The following UBR2 variants were observed in gnomAD, a reference collection of about 807,000 sequenced individuals.
The protein encoded by UBR2 is ubiquitin protein ligase E3 component n-recognin 2, also known as E3 ubiquitin-protein ligase UBR2.
A neutral mutation model predicts 247.9 loss-of-function variants in UBR2; 92 were observed. That is an observed-to-expected ratio of 0.37 (90% CI 0.31 to 0.44). The LOEUF (loss-of-function observed/expected upper bound fraction) is 0.44. UBR2 is among the 20% of genes least tolerant of loss of function. UBR2 has a pLI of 1.00. For missense variants in UBR2, 1,613 were observed against 2,112.6 expected, an observed-to-expected ratio of 0.76 and a Z score of 4.64; for synonymous variants, 672 against 693.5, an observed-to-expected ratio of 0.97 and a Z score of 0.49.
chr6:42,652,716 C>T, intron 25 of UBR2, 71 bp downstream of exon 25: 2 of 1,403,216 alleles, frequency 1.4e-6, no homozygotes, highest in Non-Finnish European at 1.9e-6. Flanking sequence ...TTGTCTGTAT[C>T]TATACACAGG....
intron 20 of UBR2, 86 bp from the exon 21 acceptor site, chr6:42,645,380 A>G (rs1489898791): frequency 4.7e-6 from 6 of 1,264,902 alleles, no homozygotes; most frequent in Non-Finnish European, 6.8e-6. Context: ...GAGAAATATA[A>G]CATGCTGCAT....
chr6:42,689,530 A>C lies in UBR2; in HGVS notation c.5025-39A>C, dbSNP rs1199569168. 6.5e-7 allele frequency: 1 copy of C among 1,549,520 alleles called. No individual in the cohort carries two copies. Among genetic ancestry groups the C allele is most frequent in the East Asian group, 2.2e-5 (1 of 44,558 alleles). On this transcript the variant is annotated intron_variant, in intron 45 of 46. Transcript: ENST00000372901. This position sits in a 1 kb window ranked among gnomAD's most constrained non-coding sequence, Gnocchi z 4.0. ...GAACTGAATACAAATGTTGGTTACT[A>C]ATGTGTAAATGTGTAACGTATGACT...
intron 2 of UBR2, among the ~76,000 whole-genome samples, chr6:42,580,360 A>G (rs998169561): frequency 1.3e-5 from 2 of 152,216 alleles, no homozygotes; most frequent in African/African-American, 4.8e-5. Context: ...TCAACTTGGC[A>G]TGTAGCTAGC....
At chr6:42,579,568 TCTAGAGTA>T in intron 2 of UBR2, among the ~76,000 whole-genome samples, 1 of 152,212 alleles carries the variant, frequency 6.6e-6, no homozygotes, top group Non-Finnish European at 1.5e-5. Flanking sequence ...TGTCGCTTAG[TCTAGAGTA>T]CAGTGGCATG....
intron 2 of UBR2, among the ~76,000 whole-genome samples, chr6:42,576,254 T>A (rs1046992398): frequency 1.3e-5 from 2 of 152,210 alleles, no homozygotes; most frequent in Non-Finnish European, 2.9e-5. Context: ...ATAAATGTAT[T>A]GAAATAGATA....
intron 2 of UBR2, among the ~76,000 whole-genome samples, chr6:42,575,532 T>C (rs1452032200): frequency 1.3e-5 from 2 of 152,250 alleles, no homozygotes; most frequent in Admixed American, 1.3e-4. Flanking sequence ...ATCTTCAATC[T>C]GGAATGTTTC....
intron 21 of UBR2, 116 bp downstream of exon 21, chr6:42,645,706 G>C: frequency 9.0e-7 from 1 of 1,106,272 alleles, no homozygotes; most frequent in South Asian, 1.4e-5. Flanking sequence ...CTATTGTCAT[G>C]GGATGTGTAT....
At chr6:42,628,020 G>C (rs1479481318) in intron 11 of UBR2, among the ~76,000 whole-genome samples, 3 of 151,840 alleles carry the variant, frequency 2.0e-5, no homozygotes, top group South Asian at 4.2e-4. Flanking sequence ...TTTTTCTTGG[G>C]ATCTTAAATC....
intron 4 of UBR2, among the ~76,000 whole-genome samples, chr6:42,598,918 C>A (rs1793174276): frequency 6.6e-6 from 1 of 151,862 alleles, no homozygotes; most frequent in Non-Finnish European, 1.5e-5. Context: ...TTTTAATATA[C>A]CACTCTATTA....
At chr6:42,627,775 G>C (rs145837242) in intron 11 of UBR2, among the ~76,000 whole-genome samples, 1 of 151,988 alleles carries the variant, frequency 6.6e-6, no homozygotes, top group African/African-American at 2.4e-5. Context: ...GCCTCCCAAA[G>C]TACTAGCATT....
intron 8 of UBR2, among the ~76,000 whole-genome samples, chr6:42,614,286 A>G (rs776207767): frequency 7.6e-5 from 9 of 118,518 alleles, no homozygotes; most frequent in Non-Finnish European, 1.4e-4. Context: ...ATATATATGT[A>G]TGCATGTACA....
At chr6:42,657,567 C>T (rs780573585) in intron 26 of UBR2, among the ~76,000 whole-genome samples, 14 of 152,204 alleles carry the variant, frequency 9.2e-5, no homozygotes, top group Non-Finnish European at 1.5e-4. Context: ...ATGGACTTGA[C>T]TCTTATATTC....
intron 16 of UBR2, among the ~76,000 whole-genome samples, chr6:42,641,248 G>T (rs1301777063): frequency 6.6e-6 from 1 of 152,072 alleles, no homozygotes; most frequent in Non-Finnish European, 1.5e-5. Context: ...TGGATCACCT[G>T]AGGTCAGGAG....
Position 42,582,530 on chromosome 6 carries a change from T to C in UBR2, c.338+8537T>C, listed in dbSNP as rs963870356. Among the ~76,000 whole-genome samples, 4 of 152,190 alleles carry C rather than the reference T, an allele frequency of 2.6e-5. No homozygotes were observed. In the East Asian group the frequency reaches 7.7e-4, roughly 29 times the overall value. On this transcript the variant is annotated intron_variant, in intron 2 of 46. Transcript: ENST00000372901. ...ATATGTTGAACTTAATAAAAACTGC[T>C]AAACCTTTTTTCCAAAAGGATTTTA...
intron 30 of UBR2, among the ~76,000 whole-genome samples, chr6:42,661,660 G>A (rs547132340): frequency 6.6e-5 from 10 of 152,098 alleles, no homozygotes; most frequent in Admixed American, 3.3e-4. Context: ...CATCTGATCT[G>A]GTCTGTGCTT....
At chr6:42,652,174 A>G in intron 24 of UBR2, 103 bp downstream of exon 24, 1 of 1,155,820 alleles carries the variant, frequency 8.7e-7, no homozygotes, top group Non-Finnish European at 1.2e-6. Flanking sequence ...GAATATTTAA[A>G]TGTAAGCTTT....
intron 2 of UBR2, among the ~76,000 whole-genome samples, chr6:42,585,751 G>C (rs1481951805): frequency 6.6e-6 from 1 of 151,852 alleles, no homozygotes; most frequent in Non-Finnish European, 1.5e-5. Flanking sequence ...TGATGTCTGT[G>C]GTGTCTATAA....
At chr6:42,662,770 C>G (rs753705197) in intron 31 of UBR2, among the ~76,000 whole-genome samples, 1 of 152,148 alleles carries the variant, frequency 6.6e-6, no homozygotes, top group Non-Finnish European at 1.5e-5. Context: ...ACTATGCTCA[C>G]CCAGTTATCA....
chr6:42,623,882 G>A (rs1172896244), intron 11 of UBR2, among the ~76,000 whole-genome samples: 1 of 151,702 alleles, frequency 6.6e-6, no homozygotes, highest in Non-Finnish European at 1.5e-5. Flanking sequence ...TTTTTCAAAT[G>A]TTTTATTACT....
Sources: gnomAD v4.1 joint callset for allele counts (sites outside exome capture counted in the v4.1 genomes callset) on GRCh38, gnomAD v4.1.1 for gene constraint, Gnocchi (gnomAD v3.1) non-coding constraint, MANE v1.5 for transcripts, NCBI Gene and HGNC (gene_info 2026-07-23, HGNC 2026-07-21) for gene names.